Variants in CLDND2 observed in about 807,000 individuals in gnomAD.
CLDND2 encodes claudin domain-containing protein 2.
CLDND2 carries 18 observed loss-of-function variants against 17.7 expected under a neutral mutation model. The observed-to-expected ratio is 1.02, with a 90% CI of 0.70 to 1.51. CLDND2 has a LOEUF of 1.51. Ranked by LOEUF, CLDND2 falls within the 40% of genes most tolerant of loss-of-function variation. The pLI, the probability that CLDND2 is intolerant of heterozygous loss-of-function variation, is 0.00. For synonymous variants in CLDND2, 113 were observed against 93.0 expected (o/e 1.22, Z -1.24); for missense variants, 233 against 219.6 (o/e 1.06, Z -0.39).
chr19:51,368,180 TTGGAGGTCACATCAGGACC>T, intron 1 of CLDND2, 154 bp from the exon 2 acceptor site: 1 of 940,282 alleles, frequency 1.1e-6, no homozygotes, highest in Non-Finnish European at 1.6e-6. Flanking sequence ...GGATTGAGAC[TTGGAGGTCACATCAGGACC>T]TGCGGTTACT....
At chr19:51,368,119 A>T in intron 1 of CLDND2, 93 bp from the exon 2 acceptor site, 1 of 1,333,906 alleles carries the variant, frequency 7.5e-7, no homozygotes, top group South Asian at 1.3e-5. Flanking sequence ...CCTGCCCCCA[A>T]CCCGGTGTGT....
rs1986475104 is a variant in CLDND2 at position 51,367,784 on chromosome 19, G to A, written c.310+102C>T. 1 of 1,500,498 alleles carries A rather than the reference G, an allele frequency of 6.7e-7. No individual in the cohort carries two copies. The highest frequency in any genetic ancestry group is 8.9e-7 in the Non-Finnish European group (1 of 1,128,702). The allele number at this position is 1,500,498 out of a possible 1,614,324, so 92.9% of individuals were successfully genotyped here. The stretch of plus-strand genomic sequence containing the variant: ...TCGGCTTCTTCCAGCCCTGCCCCTC[G>A]GATCCTGGCCGAGTACCTCAAGCCC... On this transcript the variant is annotated intron_variant, in intron 2 of 3. Transcript: ENST00000291715. This position sits in a 1 kb window ranked among gnomAD's most constrained non-coding sequence, Gnocchi z 7.4.
Position 51,368,748 on chromosome 19 carries a change from G to T in CLDND2, c.-171C>A. On this transcript the variant is annotated 5_prime_UTR_variant, in exon 1 of 4. Coordinates refer to ENST00000291715, the MANE Select transcript of CLDND2 (RefSeq NM_152353.3). Reference sequence around the variant, plus strand: ...CCCCCCTCCCTCAACAACCCTGCCTGAGGATCCACAACCTCCTCCCTCCAG... The same window carrying T: ...CCCCCCTCCCTCAACAACCCTGCCTTAGGATCCACAACCTCCTCCCTCCAG... 1 of 597,536 alleles carries T rather than the reference G, an allele frequency of 1.7e-6. No homozygotes were observed. The highest frequency in any genetic ancestry group is 2.9e-6 in the Non-Finnish European group (1 of 341,844). 37.0% of individuals were successfully genotyped at this position (597,536 alleles called of 1,614,324 possible). A position where few individuals can be genotyped will look rare whatever the true frequency, so the allele number is the denominator to read the frequency against.
In CLDND2 at chr19:51,367,812, C is replaced by A; in HGVS notation, c.310+74G>T. 1.9e-6 allele frequency: 3 copies of A among 1,557,794 alleles called. No individual in the cohort carries two copies. In the South Asian group the frequency reaches 3.5e-5, roughly 18 times the overall value. ...TCCTGGCCGAGTACCTCAAGCCCCT[C>A]CCCTGGCGACCAGGCCCCTCCATCA... On this transcript the variant is annotated intron_variant, in intron 2 of 3. Coordinates refer to ENST00000291715, the MANE Select transcript of CLDND2 (RefSeq NM_152353.3). The surrounding 1 kb of genome is among the most constrained non-coding windows in gnomAD (Gnocchi z 7.4).
rs1047576508 is a variant in CLDND2, at chr19:51,367,867, G to C, written c.310+19C>G. The C allele has an allele frequency of 3.1e-6, 5 of 1,606,916 alleles. No homozygotes were observed. The highest frequency in any genetic ancestry group is 3.3e-4 in the Middle Eastern group (2 of 6,050). ...GGGCCCGCCCCTGCCTGCCCGCCTG[G>C]GGCGGTCTGCAGTCTCACCGCCGAG... is the stretch of plus-strand genomic sequence containing the variant. On this transcript the variant is annotated intron_variant, in intron 2 of 3. Coordinates refer to ENST00000291715, the MANE Select transcript of CLDND2 (RefSeq NM_152353.3). This position sits in a 1 kb window ranked among gnomAD's most constrained non-coding sequence, Gnocchi z 7.4.
chr19:51,367,100 TA>T lies in CLDND2; in HGVS notation c.*41del, dbSNP rs5828475. 6 of 1,601,804 alleles carry T rather than the reference TA, an allele frequency of 3.7e-6. No homozygotes were observed. Among genetic ancestry groups the T allele is most frequent in the Non-Finnish European group, 5.1e-6 (6 of 1,169,084 alleles). The stretch of plus-strand genomic sequence containing the variant: ...AGAAAAGCACGCGGAGCCGCAGCGC[TA>T]AAAAAAGCCGTTCCTTTATTCTGCC... On this transcript the variant is annotated 3_prime_UTR_variant, in exon 4 of 4. Transcript: ENST00000291715. This position sits in a 1 kb window ranked among gnomAD's most constrained non-coding sequence, Gnocchi z 7.4.
Position 51,368,481 on chromosome 19 carries a change from G to A in CLDND2, c.97C>T (p.Arg33Cys), listed in dbSNP as rs370928932. ...AGGCCACTGTGGCCCTCTTGTTGGC[G>A]GGTCCAGTAGTTGGTGGCCGTGGAG... ...VLSTATNYWT[R>C]QQEGHSGLWQ... The change falls in exon 1 of 4, where the codon CGC (arginine) becomes TGC (cysteine). Residue 33 changes from arginine to cysteine, a missense_variant. Transcript: ENST00000291715. The A allele has an allele frequency of 3.3e-5, 54 of 1,613,994 alleles. No individual in the cohort carries two copies. The highest frequency in any genetic ancestry group is 4.3e-5 in the Non-Finnish European group (51 of 1,180,002).
Position 51,367,307 on chromosome 19 carries a change from A to G in CLDND2, c.431-92T>C. ...CCGGGGACTGGGGTTTGGGGCTCCA[A>G]GGGGGTCTCTGCCGGGTCTGCGGGA... On this transcript the variant is annotated intron_variant, in intron 3 of 3. Coordinates refer to ENST00000291715, the MANE Select transcript of CLDND2 (RefSeq NM_152353.3). The surrounding 1 kb of genome is among the most constrained non-coding windows in gnomAD (Gnocchi z 7.4). 1.4e-6 allele frequency: 2 copies of G among 1,445,086 alleles called. No homozygotes were observed. Among genetic ancestry groups the G allele is most frequent in the South Asian group, 1.2e-5 (1 of 86,480 alleles). 89.5% of individuals were successfully genotyped at this position (1,445,086 alleles called of 1,614,324 possible).
Position 51,367,485 on chromosome 19 carries a change from C to A in CLDND2, c.402G>T (p.Trp134Cys). 6.2e-7 allele frequency: 1 copy of A among 1,604,464 alleles called. No individual in the cohort carries two copies. Among genetic ancestry groups the A allele is most frequent in the Non-Finnish European group, 8.5e-7 (1 of 1,174,904 alleles). ...VFFSWSYFSGWLALPFSILAG... is the reference protein window; with the variant it reads ...VFFSWSYFSGCLALPFSILAG... ...CGAGAATTGAGAAGGGTAAGGCCAG[C>A]CACCCAGAAAAATAGGACCAAGAGA... is the stretch of plus-strand genomic sequence containing the variant. Residue 134 changes from tryptophan (W) to cysteine (C), a missense_variant, in exon 3 of 4, where the codon TGG becomes TGT. Transcript: ENST00000291715. This position sits in a 1 kb window ranked among gnomAD's most constrained non-coding sequence, Gnocchi z 7.4.
rs1264574972 is a variant in CLDND2 at position 51,367,231 on chromosome 19, T to G, written c.431-16A>C. On this transcript the variant is annotated splice_polypyrimidine_tract_variant and intron_variant, in intron 3 of 3. Coordinates refer to ENST00000291715, the MANE Select transcript of CLDND2 (RefSeq NM_152353.3). This position sits in a 1 kb window ranked among gnomAD's most constrained non-coding sequence, Gnocchi z 7.4. ...AAGCAGAAGCCTGGGGGGACGGGGG[T>G]GCGGAGCAGGGAGAGGAAGGTGGGC... The G allele has an allele frequency of 1.2e-6, 2 of 1,613,116 alleles. No individual in the cohort carries two copies. The highest frequency in any genetic ancestry group is 2.2e-5 in the East Asian group (1 of 44,846).
rs950631922 is a variant in CLDND2 at position 51,367,381 on chromosome 19, G to A, written c.430+76C>T. 3 of 1,465,056 alleles carry A rather than the reference G, an allele frequency of 2.0e-6. No homozygotes were observed. In the African/African-American group the frequency reaches 4.2e-5, roughly 21 times the overall value. The allele number at this position is 1,465,056 out of a possible 1,614,324, so 90.8% of individuals were successfully genotyped here. ...CCGAGAGGTCCCCGGGGTTTCCTGG[G>A]AGGGCAGCTGGGGAGCCTCTGGGGT... is the stretch of plus-strand genomic sequence containing the variant. On this transcript the variant is annotated intron_variant, in intron 3 of 3. Transcript: ENST00000291715. The surrounding 1 kb of genome is among the most constrained non-coding windows in gnomAD (Gnocchi z 7.4).
rs1986535732 is a variant in CLDND2 at position 51,368,540 on chromosome 19, A to T, written c.38T>A (p.Leu13Gln). The T allele has an allele frequency of 6.2e-7, 1 of 1,613,834 alleles. No individual in the cohort carries two copies. The highest frequency in any genetic ancestry group is 1.3e-5 in the African/African-American group (1 of 74,928). ...GAGGACGTTGGCCACGAGGCTGAGC[A>T]GAATGCCCCCACTCTGGAGGCTCCG... is the stretch of plus-strand genomic sequence containing the variant. ...VKRSLQSGGI[L>Q]LSLVANVLMV... Residue 13 changes from leucine to glutamine, a missense_variant, in exon 1 of 4, where the codon CTG becomes CAG. Coordinates refer to ENST00000291715, the MANE Select transcript of CLDND2 (RefSeq NM_152353.3).
rs1986462194 is a variant in CLDND2, at chr19:51,367,648, G to C, written c.311-72C>G. ...GCTGCACCCAGGCCACGCCCCTTCA[G>C]ACCCGCCCCCTTCTATCAGACCACG... On this transcript the variant is annotated intron_variant, in intron 2 of 3. Coordinates refer to ENST00000291715, the MANE Select transcript of CLDND2 (RefSeq NM_152353.3). The surrounding 1 kb of genome is among the most constrained non-coding windows in gnomAD (Gnocchi z 7.4). The C allele has an allele frequency of 1.3e-6, 2 of 1,543,142 alleles. No homozygotes were observed. Among genetic ancestry groups the C allele is most frequent in the Non-Finnish European group, 1.7e-6 (2 of 1,144,152 alleles).
At chr19:51,367,054 G>T (rs1362703437), downstream of CLDND2, 4 of 1,241,030 alleles carry the variant, frequency 3.2e-6, no homozygotes, top group Non-Finnish European at 4.8e-6. The surrounding 1 kb of genome is among the most constrained non-coding windows in gnomAD (Gnocchi z 7.4). Flanking sequence ...GCAACCCCGT[G>T]CCTGCGTCCC....
In CLDND2 at chr19:51,368,497, G is replaced by A; in HGVS notation, c.81C>T (p.Ala27=). ...CTTGTTGGCGGGTCCAGTAGTTGGT[G>A]GCCGTGGAGAGCACCATGAGGACGT... ...VANVLMVLST[A]TNYWTRQQEG... is the part of the protein sequence containing the mutation. The change falls in exon 1 of 4, where the codon GCC becomes GCT. Residue 27 remains alanine (A), a synonymous_variant. Coordinates refer to ENST00000291715, the MANE Select transcript of CLDND2 (RefSeq NM_152353.3). 6.2e-7 allele frequency: 1 copy of A among 1,614,126 alleles called. No individual in the cohort carries two copies. The highest frequency in any genetic ancestry group is 8.5e-7 in the Non-Finnish European group (1 of 1,180,004).
Position 51,367,989 on chromosome 19 carries a change from C to G in CLDND2, c.207G>C (p.Ala69=). The G allele has an allele frequency of 6.2e-7, 1 of 1,612,032 alleles. No individual in the cohort carries two copies. The highest frequency in any genetic ancestry group is 8.5e-7 in the Non-Finnish European group (1 of 1,179,110). The change falls in exon 2 of 4, where the codon GCG becomes GCC. Residue 69 remains alanine (A), a synonymous_variant. Coordinates refer to ENST00000291715, the MANE Select transcript of CLDND2 (RefSeq NM_152353.3). The surrounding 1 kb of genome is among the most constrained non-coding windows in gnomAD (Gnocchi z 7.4). ...CCATGCCCACCACGCCGACACCCAC[C>G]GCCAGCACCATGCACGCCACAGTCA... The part of the protein sequence containing the change: ...LAVTVACMVL[A]VGVGVVGMVM...
downstream of CLDND2, among the ~76,000 whole-genome samples, chr19:51,366,845 G>A (rs146569894): frequency 5.9e-5 from 9 of 151,816 alleles, no homozygotes; most frequent in African/African-American, 2.2e-4. Flanking sequence ...TCCCCTGTCC[G>A]TGTCTCTACT....
Position 51,367,815 on chromosome 19 carries a change from C to A in CLDND2, c.310+71G>T. 1 of 1,563,096 alleles carries A rather than the reference C, an allele frequency of 6.4e-7. No individual in the cohort carries two copies. The highest frequency in any genetic ancestry group is 8.6e-7 in the Non-Finnish European group (1 of 1,160,062). On this transcript the variant is annotated intron_variant, in intron 2 of 3. Transcript: ENST00000291715. The surrounding 1 kb of genome is among the most constrained non-coding windows in gnomAD (Gnocchi z 7.4). ...TGGCCGAGTACCTCAAGCCCCTCCCCTGGCGACCAGGCCCCTCCATCACCC... is the reference window on the plus strand; with the variant it reads ...TGGCCGAGTACCTCAAGCCCCTCCCATGGCGACCAGGCCCCTCCATCACCC...
At position 51,367,864 on chromosome 19, in the gene CLDND2, C is replaced by T; in HGVS notation, c.310+22G>A. Reference sequence around the variant, plus strand: ...CCAGGGCCCGCCCCTGCCTGCCCGCCTGGGGCGGTCTGCAGTCTCACCGCC... The same window carrying T: ...CCAGGGCCCGCCCCTGCCTGCCCGCTTGGGGCGGTCTGCAGTCTCACCGCC... On this transcript the variant is annotated intron_variant, in intron 2 of 3. Transcript: ENST00000291715. The surrounding 1 kb of genome is among the most constrained non-coding windows in gnomAD (Gnocchi z 7.4). The T allele has an allele frequency of 3.7e-6, 6 of 1,606,486 alleles. No individual in the cohort carries two copies. The highest frequency in any genetic ancestry group is 5.1e-6 in the Non-Finnish European group (6 of 1,178,894).
Sources: gnomAD v4.1 joint callset for allele counts (sites outside exome capture counted in the v4.1 genomes callset) on GRCh38, gnomAD v4.1.1 for gene constraint, Gnocchi (gnomAD v3.1) non-coding constraint, MANE v1.5 for transcripts, NCBI Gene and HGNC (gene_info 2026-07-23, HGNC 2026-07-21) for gene names.